Variants in SYNE1 observed in about 807,000 individuals in gnomAD.
SYNE1 encodes the protein nesprin-1.
SYNE1 carries 616 observed loss-of-function variants against 1,111.0 expected under a neutral mutation model. The ratio of observed to expected loss-of-function variants is 0.55; its 90% CI spans 0.52 to 0.59. The LOEUF is 0.59. SYNE1 is among the 20% of genes least tolerant of loss of function. The pLI is 0.00. For synonymous variants in SYNE1, 3,855 were observed against 3,825.8 expected (o/e 1.01, Z -0.28); for missense variants, 10,006 against 10,417.0 (o/e 0.96, Z 1.72).
At chr6:152,490,639 CT>C (rs138954300) in intron 11 of SYNE1, among the ~76,000 whole-genome samples, 1,637 of 152,256 alleles carry the variant, frequency 0.011, 48 homozygotes, top group African/African-American at 0.037. Flanking sequence ...TGCCCCACCC[CT>C]ATCTACCTTT....
At chr6:152,468,465 A>G (rs1401849632) in intron 16 of SYNE1, among the ~76,000 whole-genome samples, 4 of 152,162 alleles carry the variant, frequency 2.6e-5, no homozygotes, top group Admixed American at 6.6e-5. Context: ...CAAGGACTAA[A>G]CCAATTACCT....
At chr6:152,569,073 A>G (rs1376521078) in intron 3 of SYNE1, among the ~76,000 whole-genome samples, 1 of 152,310 alleles carries the variant, frequency 6.6e-6, no homozygotes, top group East Asian at 1.9e-4. Context: ...GTATTATCAT[A>G]CATCAGTGGT....
chr6:152,540,923 G>A (rs1428148359), intron 3 of SYNE1, among the ~76,000 whole-genome samples: 1 of 152,220 alleles, frequency 6.6e-6, no homozygotes, highest in Admixed American at 6.5e-5. Flanking sequence ...CCACAGTTGA[G>A]CATCCAGATA....
intron 3 of SYNE1, among the ~76,000 whole-genome samples, chr6:152,582,082 A>G (rs895480593): frequency 6.6e-6 from 1 of 152,140 alleles, no homozygotes; most frequent in East Asian, 1.9e-4. Context: ...TATGACATAC[A>G]GCTTGCTTCT....
At chr6:152,428,099 T>C in intron 37 of SYNE1, 106 bp downstream of exon 37, 1 of 1,471,532 alleles carries the variant, frequency 6.8e-7, no homozygotes, top group Non-Finnish European at 9.4e-7. Context: ...GACCCACAAG[T>C]TCACGTCTTT....
intron 126 of SYNE1, among the ~76,000 whole-genome samples, chr6:152,202,350 AAAAAAAAAAAAAAAAAAAAGC>A (rs1450721559): frequency 8.1e-6 from 1 of 124,136 alleles, no homozygotes; most frequent in Non-Finnish European, 1.6e-5. Context: ...CTGTCTCAAA[AAAAAAAAAAAAAAAAAAAAGC>A]AAAAAAAAAA....
Position 152,326,390 on chromosome 6 carries a change from C to T in SYNE1, c.15199G>A (p.Gly5067Ser), listed in dbSNP as rs184360743. 8 of 1,614,174 alleles carry T rather than the reference C, an allele frequency of 5.0e-6. No homozygotes were observed. The highest frequency in any genetic ancestry group is 2.2e-5 in the East Asian group (1 of 44,878). ...ATLDPLIKPTGKEDLEQKVAS... is the reference protein window; with the variant it reads ...ATLDPLIKPTSKEDLEQKVAS... ...ACTTTCTGTTCTAGGTCTTCTTTGC[C>T]GGTTGGCTTGATGAGTGGGTCCAGG... Residue 5067 changes from glycine (G) to serine (S), a missense_variant, in exon 79 of 146, where the codon GGC becomes AGC. This residue lies in a region of SYNE1 where 4,955 missense variants were observed against 5,017.2 expected (regional missense o/e 0.99). Coordinates refer to ENST00000367255, the MANE Select transcript of SYNE1 (RefSeq NM_182961.4).
At position 152,161,630 on chromosome 6, in the gene SYNE1, A is replaced by AT. The variant is rs113179594; in HGVS notation, c.23790+2532dup. 2.6e-4 allele frequency among the ~76,000 whole-genome samples: 38 copies of AT among 148,798 alleles called. 1 individual carries two copies. The South Asian group carries it at 7.0e-3, about 28-fold the overall frequency. ...TTCCTTTCTTTATTTCCCTCTATTT[A>AT]TTTTTTTTTCTTAATGGTAGAAGCT... is the stretch of plus-strand genomic sequence containing the variant. On this transcript the variant is annotated intron_variant, in intron 131 of 145. Coordinates refer to ENST00000367255, the MANE Select transcript of SYNE1 (RefSeq NM_182961.4).
intron 3 of SYNE1, among the ~76,000 whole-genome samples, chr6:152,607,484 C>A (rs1215809525): frequency 2.0e-5 from 3 of 151,816 alleles, no homozygotes; most frequent in Non-Finnish European, 2.9e-5. Context: ...ATCAAAAACA[C>A]AATGAGATAT....
intron 3 of SYNE1, among the ~76,000 whole-genome samples, chr6:152,541,486 T>C (rs1027528195): frequency 6.6e-5 from 10 of 152,090 alleles, no homozygotes; most frequent in Admixed American, 2.0e-4. Flanking sequence ...TGGCGGCTCA[T>C]GCCTGTAATC....
chr6:152,585,019 T>A (rs1024547056), intron 3 of SYNE1, among the ~76,000 whole-genome samples: 1 of 152,174 alleles, frequency 6.6e-6, no homozygotes, highest in Non-Finnish European at 1.5e-5. Flanking sequence ...CTACGTGTCA[T>A]GAGAGGGACC....
intron 51 of SYNE1, among the ~76,000 whole-genome samples, chr6:152,391,831 A>C (rs1281327853): frequency 2.0e-5 from 3 of 152,098 alleles, no homozygotes; most frequent in African/African-American, 7.2e-5. Context: ...AGCCTACTGT[A>C]TTACTTACTG....
intron 127 of SYNE1, among the ~76,000 whole-genome samples, chr6:152,194,576 C>A (rs2073588779): frequency 6.6e-6 from 1 of 152,120 alleles, no homozygotes; most frequent in Non-Finnish European, 1.5e-5. Flanking sequence ...CTCTGTTATC[C>A]CTTTGAATAA....
intron 4 of SYNE1, among the ~76,000 whole-genome samples, chr6:152,527,662 A>G (rs2099169684): frequency 6.6e-6 from 1 of 152,256 alleles, no homozygotes; most frequent in African/African-American, 2.4e-5. Flanking sequence ...AATGAGGAAC[A>G]AGTTCATAAA....
Position 152,122,591 on chromosome 6 carries a change from C to T in SYNE1, c.26239G>A (p.Ala8747Thr). 6.2e-7 allele frequency: 1 copy of T among 1,614,198 alleles called. No individual in the cohort carries two copies. ...GRGFLFRVLRAALPLQLLLLL... is the reference protein window; with the variant it reads ...GRGFLFRVLRTALPLQLLLLL... ...AGGAGAAGCTGAAGGGGAAGAGCTGCTCGGAGGACTCTGAACAGGAAGCCG... is the reference window on the plus strand; with the variant it reads ...AGGAGAAGCTGAAGGGGAAGAGCTGTTCGGAGGACTCTGAACAGGAAGCCG... The change falls in exon 146 of 146, where the codon GCA becomes ACA. Residue 8747 changes from alanine (A) to threonine (T), a missense_variant. By Grantham distance (58) the Ala-to-Thr change is moderately conservative (BLOSUM62 0). Coordinates refer to ENST00000367255, the MANE Select transcript of SYNE1 (RefSeq NM_182961.4).
At chr6:152,409,343 T>C in intron 43 of SYNE1, 117 bp from the exon 44 acceptor site, 2 of 1,109,928 alleles carry the variant, frequency 1.8e-6, no homozygotes, top group South Asian at 2.8e-5. Flanking sequence ...TTAGTGATAG[T>C]GAGATTAATT....
intron 91 of SYNE1, among the ~76,000 whole-genome samples, chr6:152,303,903 G>GCA (rs59642173): frequency 0.032 from 4,729 of 149,380 alleles, 174 homozygotes; most frequent in African/African-American, 0.093. Flanking sequence ...GTGTGCACAT[G>GCA]CACACACACA....
chr6:152,380,847 G>A (rs1280906620), intron 56 of SYNE1, among the ~76,000 whole-genome samples, 159 bp downstream of exon 56: 2 of 152,012 alleles, frequency 1.3e-5, no homozygotes, highest in Non-Finnish European at 1.5e-5. Context: ...TATAAGAAAA[G>A]GAAACAAATC....
chr6:152,485,971 C>A (rs569272553), intron 12 of SYNE1, among the ~76,000 whole-genome samples: 1 of 152,032 alleles, frequency 6.6e-6, no homozygotes, highest in African/African-American at 2.4e-5. Flanking sequence ...TCGAGGCGGG[C>A]GGATCATGAG....
Sources: allele counts gnomAD v4.1 joint callset (sites outside exome capture counted in the v4.1 genomes callset), GRCh38; gene constraint gnomAD v4.1.1; regional missense constraint gnomAD v4.1.1; transcripts MANE v1.5; gene names NCBI Gene and HGNC (gene_info 2026-07-23, HGNC 2026-07-21).